The following RNF43 variants were observed in gnomAD, a reference collection of about 807,000 sequenced individuals.
RNF43 encodes E3 ubiquitin-protein ligase RNF43.
Under a neutral mutation model 78.4 loss-of-function variants are expected in RNF43, and 37 were observed. The observed-to-expected ratio is 0.47, with a 90% confidence interval of 0.36 to 0.62. The LOEUF (loss-of-function observed/expected upper bound fraction) is 0.62. RNF43 is among the 20% of genes least tolerant of loss of function. The pLI, the probability that RNF43 is intolerant of heterozygous loss-of-function variation, is 0.00. For synonymous variants in RNF43, 347 were observed against 395.0 expected (o/e 0.88, Z 1.44); for missense variants, 774 against 1,007.9 (o/e 0.77, Z 3.14).
chr17:58,369,284 C>A (rs925558548), intron 3 of RNF43, among the ~76,000 whole-genome samples: 4 of 152,220 alleles, frequency 2.6e-5, no homozygotes, highest in Non-Finnish European at 5.9e-5. Flanking sequence ...ATGCCACACT[C>A]CCCAGCTCCT....
intron 2 of RNF43, chr17:58,395,005 G>A (rs4793941): frequency 0.35 from 53,439 of 152,130 alleles, 10,031 homozygotes; most frequent in East Asian, 0.51. Flanking sequence ...ACATGGTGCT[G>A]TGCAGGCAAG....
At chr17:58,390,575 T>C (rs1973531702) in intron 2 of RNF43, among the ~76,000 whole-genome samples, 1 of 152,206 alleles carries the variant, frequency 6.6e-6, no homozygotes. Context: ...CTTAAAACTA[T>C]ATGAACATCT....
chr17:58,366,358 C>T (rs1416285756), intron 3 of RNF43, among the ~76,000 whole-genome samples: 3 of 152,186 alleles, frequency 2.0e-5, no homozygotes, highest in Non-Finnish European at 4.4e-5. Context: ...CTCCCCTCCA[C>T]GCACCAGGTG....
At chr17:58,356,865 C>CGG (rs1475683892) in intron 9 of RNF43, 1 of 306,096 alleles carries the variant, frequency 3.3e-6, no homozygotes, top group African/African-American at 2.2e-5. Flanking sequence ...GCTACTACCC[C>CGG]GGGGACCATT....
Position 58,360,768 on chromosome 17 carries a change from C to A in RNF43, c.849+15G>T. The A allele has an allele frequency of 6.2e-7, 1 of 1,604,020 alleles. No homozygotes were observed. Among genetic ancestry groups the A allele is most frequent in the Non-Finnish European group, 8.5e-7 (1 of 1,174,978 alleles). On this transcript the variant is annotated intron_variant, in intron 7 of 9. Coordinates refer to ENST00000407977, the MANE Select transcript of RNF43 (RefSeq NM_017763.6). The surrounding 1 kb of genome is among the most constrained non-coding windows in gnomAD (Gnocchi z 4.3). ...CCAGTCTGGTCATGGAGGTGAACCA[C>A]AAGACCTGCCTTACCTGCCCCTCAG...
rs1023920405 is a variant in RNF43, at chr17:58,415,838, A to T, written c.-261T>A. The T allele has an allele frequency of 2.3e-5, 12 of 528,712 alleles. No homozygotes were observed. Among genetic ancestry groups the T allele is most frequent in the South Asian group, 1.7e-4 (7 of 41,170 alleles). 32.8% of individuals were successfully genotyped at this position (528,712 alleles called of 1,614,324 possible). A position where few individuals can be genotyped will look rare whatever the true frequency, so the allele number is the denominator to read the frequency against. On this transcript the variant is annotated 5_prime_UTR_variant, in exon 2 of 10. Coordinates refer to ENST00000407977, the MANE Select transcript of RNF43 (RefSeq NM_017763.6). The stretch of plus-strand genomic sequence containing the variant: ...ATTTTCTCCCATCTTCACTGTGACT[A>T]GTAAAGATCTCACCACTTCTCTTTG...
At chr17:58,396,118 T>C (rs1395142823) in intron 2 of RNF43, among the ~76,000 whole-genome samples, 1 of 152,156 alleles carries the variant, frequency 6.6e-6, no homozygotes, top group Non-Finnish European at 1.5e-5. Context: ...GAACCCAGTA[T>C]AGCATATGAC....
At chr17:58,376,101 C>T (rs903918612) in intron 2 of RNF43, among the ~76,000 whole-genome samples, 3 of 152,130 alleles carry the variant, frequency 2.0e-5, no homozygotes, top group Non-Finnish European at 2.9e-5. Context: ...GCCCCAGAAG[C>T]GGTGGGTCCC....
chr17:58,383,734 C>A (rs1973373682), intron 2 of RNF43, among the ~76,000 whole-genome samples: 1 of 152,214 alleles, frequency 6.6e-6, no homozygotes, highest in South Asian at 2.1e-4. Context: ...TCTCCAGCCT[C>A]AGCCTCCTGA....
Position 58,358,535 on chromosome 17 carries a change from T to G in RNF43, c.1241A>C (p.Gln414Pro). ...TTGGAGGTGGCTCAGTCCCCAGCCTTGTGCATAGGGGTGCTGGGCTCCTGC... is the reference window on the plus strand; with the variant it reads ...TTGGAGGTGGCTCAGTCCCCAGCCTGGTGCATAGGGGTGCTGGGCTCCTGC... Reference protein sequence around the residue: ...RLAGAQHPYAQGWGLSHLQST... With the variant: ...RLAGAQHPYAPGWGLSHLQST... Residue 414 changes from glutamine (Q) to proline (P), a missense_variant, in exon 9 of 10, where the codon CAA becomes CCA. Coordinates refer to ENST00000407977, the MANE Select transcript of RNF43 (RefSeq NM_017763.6). This position sits in a 1 kb window ranked among gnomAD's most constrained non-coding sequence, Gnocchi z 6.2. The G allele has an allele frequency of 6.2e-7, 1 of 1,613,102 alleles. No homozygotes were observed. The highest frequency in any genetic ancestry group is 8.5e-7 in the Non-Finnish European group (1 of 1,179,484).
rs149707583 is a variant in RNF43 at position 58,356,287 on chromosome 17, A to G, written c.2308+1181T>C. Among the ~76,000 whole-genome samples, 161 of 152,354 alleles carry G rather than the reference A, an allele frequency of 1.1e-3. 1 individual carries two copies. Among genetic ancestry groups the G allele is most frequent in the African/African-American group, 3.8e-3 (157 of 41,576 alleles). On this transcript the variant is annotated intron_variant, in intron 9 of 9. Transcript: ENST00000407977. ...AATGAATTGGATGAGGGCAGCTCCT[A>G]GGTCCTGCAGGAAGAATTCCTACAC...
chr17:58,372,254 C>T (rs867818426), intron 2 of RNF43, among the ~76,000 whole-genome samples: 15 of 152,194 alleles, frequency 9.9e-5, no homozygotes, highest in South Asian at 2.1e-4. Flanking sequence ...TGTGTCACCG[C>T]GGTCCCTTGA....
rs1398807049 is a variant in RNF43, at chr17:58,415,319, T to C, written c.252+7A>G. On this transcript the variant is annotated splice_region_variant and intron_variant, in intron 2 of 9. Coordinates refer to ENST00000407977, the MANE Select transcript of RNF43 (RefSeq NM_017763.6). ...TGGAAAGTGAAATATAATAAAGTTA[T>C]ACTTGCCTGCATTAATTTTCCTTCT... 6.2e-6 allele frequency: 10 copies of C among 1,614,096 alleles called. No individual in the cohort carries two copies. In the South Asian group the frequency reaches 8.8e-5, roughly 14 times the overall value.
rs1018692225 is a variant in RNF43, at chr17:58,365,847, A to C, written c.376-2247T>G. ...ATCCAAAGAGCTCTTTGGAAGCTTC[A>C]GAGTTGGCCAGCCCTAGGGGCAGCA... On this transcript the variant is annotated intron_variant, in intron 3 of 9. Coordinates refer to ENST00000407977, the MANE Select transcript of RNF43 (RefSeq NM_017763.6). Among the ~76,000 whole-genome samples, 86 of 152,230 alleles carry C rather than the reference A, an allele frequency of 5.6e-4. 5 individuals are homozygous for C. The highest frequency in any genetic ancestry group is 1.5e-5 in the Non-Finnish European group (1 of 68,040).
chr17:58,369,486 C>T (rs779197915), intron 3 of RNF43, among the ~76,000 whole-genome samples: 14 of 152,230 alleles, frequency 9.2e-5, no homozygotes, highest in Non-Finnish European at 2.1e-4. Flanking sequence ...GGGATCTGGG[C>T]CTGAGACAGC....
At chr17:58,373,029 G>A (rs1256504489) in intron 2 of RNF43, among the ~76,000 whole-genome samples, 1 of 152,206 alleles carries the variant, frequency 6.6e-6, no homozygotes, top group Non-Finnish European at 1.5e-5. Flanking sequence ...TGAAGACTGT[G>A]GAGGAGACTC....
At chr17:58,361,410 T>C (rs773090903) in intron 6 of RNF43, among the ~76,000 whole-genome samples, 1 of 152,230 alleles carries the variant, frequency 6.6e-6, no homozygotes, top group South Asian at 2.1e-4. Flanking sequence ...CTAAATCTGT[T>C]GGCTTTGCCT....
chr17:58,368,763 A>G (rs1000817207), intron 3 of RNF43, among the ~76,000 whole-genome samples: 4 of 152,146 alleles, frequency 2.6e-5, no homozygotes, highest in African/African-American at 7.2e-5. Context: ...CAAACTAACT[A>G]TATTTATTAC....
intron 9 of RNF43, among the ~76,000 whole-genome samples, chr17:58,355,540 T>C (rs1972669408): frequency 6.6e-6 from 1 of 152,120 alleles, no homozygotes; most frequent in Non-Finnish European, 1.5e-5. Flanking sequence ...CTACAGGAAC[T>C]ACAAGAATTG....
Sources: allele counts gnomAD v4.1 joint callset (sites outside exome capture counted in the v4.1 genomes callset), GRCh38; gene constraint gnomAD v4.1.1; non-coding constraint Gnocchi (gnomAD v3.1); transcripts MANE v1.5; gene names NCBI Gene and HGNC (gene_info 2026-07-23, HGNC 2026-07-21).